TBC1D12: variants seen among roughly 807,000 people sequenced by gnomAD.
TBC1D12 encodes TBC1 domain family member 12, also known as TBC1 domain family, member 12.
TBC1D12 carries 56 observed loss-of-function variants against 86.7 expected under a neutral mutation model. The ratio of observed to expected loss-of-function variants is 0.65; its 90% CI spans 0.52 to 0.81. The LOEUF is 0.81. Among genes scored for constraint, TBC1D12 ranks in the 30% least tolerant of loss-of-function variants. TBC1D12 has a pLI of 0.00. For synonymous variants in TBC1D12, 421 were observed against 411.7 expected (o/e 1.02, Z -0.27); for missense variants, 1,023 against 1,038.8 (o/e 0.98, Z 0.21).
At chr10:94,446,862 A>C (rs2055469977) in intron 2 of TBC1D12, among the ~76,000 whole-genome samples, 1 of 152,114 alleles carries the variant, frequency 6.6e-6, no homozygotes, top group Non-Finnish European at 1.5e-5. Flanking sequence ...CAGGTGGATC[A>C]CTTGAGGTCA....
intron 1 of TBC1D12, among the ~76,000 whole-genome samples, chr10:94,414,152 G>T (rs1467030355): frequency 6.6e-6 from 1 of 152,000 alleles, no homozygotes; most frequent in African/African-American, 2.4e-5. Flanking sequence ...ATAATACATT[G>T]TTTCCACGTT....
chr10:94,407,145 C>G lies in TBC1D12; in HGVS notation c.971+3561C>G, dbSNP rs117861185. ...TACTACATAGTATTATGTTAAGACA[C>G]ATCATTTTGGTAGATATATAGGAAA... is the stretch of plus-strand genomic sequence containing the variant. On this transcript the variant is annotated intron_variant, in intron 1 of 12. Transcript: ENST00000225235. 1.7e-4 allele frequency among the ~76,000 whole-genome samples: 26 copies of G among 152,262 alleles called. No homozygotes were observed. The East Asian group carries it at 4.8e-3, about 28-fold the overall frequency.
At chr10:94,451,290 A>G (rs1314492987) in intron 2 of TBC1D12, among the ~76,000 whole-genome samples, 3 of 152,130 alleles carry the variant, frequency 2.0e-5, no homozygotes, top group African/African-American at 7.2e-5. Flanking sequence ...TATGTATCCC[A>G]TAAGTATGTA....
chr10:94,531,546 A>G (rs886105920), intron 12 of TBC1D12, 86 bp downstream of exon 12: 6 of 1,345,144 alleles, frequency 4.5e-6, no homozygotes, highest in Non-Finnish European at 5.8e-6. Flanking sequence ...AAAAGTTAGT[A>G]CTTAAAAATA....
intron 1 of TBC1D12, among the ~76,000 whole-genome samples, chr10:94,416,130 C>G (rs2054994843): frequency 1.3e-5 from 2 of 152,054 alleles, no homozygotes; most frequent in South Asian, 2.1e-4. Flanking sequence ...ATACAATTAC[C>G]TTGGTCAGGA....
chr10:94,402,829 T>G lies in TBC1D12; in HGVS notation c.216T>G (p.Arg72=), dbSNP rs1564930333. The G allele has an allele frequency of 1.3e-6, 2 of 1,540,178 alleles. No individual in the cohort carries two copies. Among genetic ancestry groups the G allele is most frequent in the Non-Finnish European group, 1.7e-6 (2 of 1,143,116 alleles). ...EETPPRQLLQ[R]YLAAAGEQLE... ...CGCCGCCTCGGCAGCTCCTTCAGCG[T>G]TACCTCGCGGCGGCCGGGGAGCAGC... Residue 72 remains arginine (R), a synonymous_variant, in exon 1 of 13, where the codon CGT becomes CGG. Coordinates refer to ENST00000225235, the MANE Select transcript of TBC1D12 (RefSeq NM_015188.2).
intron 9 of TBC1D12, among the ~76,000 whole-genome samples, chr10:94,514,439 T>G (rs2056564890): frequency 6.6e-6 from 1 of 152,208 alleles, no homozygotes; most frequent in Non-Finnish European, 1.5e-5. Context: ...CCCCCAAGCC[T>G]CTGGTAACCA....
At chr10:94,449,603 T>C (rs1177256796) in intron 2 of TBC1D12, among the ~76,000 whole-genome samples, 2 of 152,208 alleles carry the variant, frequency 1.3e-5, no homozygotes, top group Non-Finnish European at 2.9e-5. Flanking sequence ...TCTGAAACAT[T>C]ATTCTGGCTC....
At position 94,402,998 on chromosome 10, in the gene TBC1D12, C is replaced by T. The variant is rs768717376; in HGVS notation, c.385C>T (p.Arg129Trp). 7.0e-6 allele frequency: 11 copies of T among 1,575,614 alleles called. No homozygotes were observed. The highest frequency in any genetic ancestry group is 1.7e-4 in the Middle Eastern group (1 of 5,944). The part of the protein sequence containing the change: ...GAEVADGRAP[R>W]HEGMTNGDSG... ...GGAGGTGGCTGATGGCCGCGCGCCG[C>T]GGCACGAAGGCATGACCAACGGCGA... The change falls in exon 1 of 13, where the codon CGG becomes TGG. Residue 129 changes from arginine (R) to tryptophan (W), a missense_variant. By Grantham distance (101) the Arg-to-Trp change is moderately radical. This residue lies in a region of TBC1D12 where 628 missense variants were observed against 531.1 expected (regional missense o/e 1.18). Transcript: ENST00000225235.
At chr10:94,471,497 C>T (rs2055905588) in intron 2 of TBC1D12, among the ~76,000 whole-genome samples, 1 of 152,106 alleles carries the variant, frequency 6.6e-6, no homozygotes, top group South Asian at 2.1e-4. Flanking sequence ...GTAATTTAAC[C>T]CACACCTTTC....
intron 11 of TBC1D12, among the ~76,000 whole-genome samples, chr10:94,530,786 G>A (rs566133910): frequency 2.0e-5 from 3 of 151,184 alleles, no homozygotes; most frequent in South Asian, 4.2e-4. Flanking sequence ...TCTACATAAG[G>A]TTGTAAATTC....
chr10:94,443,872 G>A (rs561513140), intron 2 of TBC1D12, among the ~76,000 whole-genome samples: 5 of 152,080 alleles, frequency 3.3e-5, no homozygotes, highest in East Asian at 1.9e-4. Flanking sequence ...AATTAATTGC[G>A]GTTATTTAAG....
chr10:94,507,806 C>T (rs1462843811), intron 7 of TBC1D12, among the ~76,000 whole-genome samples: 4 of 151,868 alleles, frequency 2.6e-5, no homozygotes, highest in South Asian at 2.1e-4. Context: ...GACAACATGG[C>T]GAAACCCCAT....
chr10:94,436,067 A>G (rs2055291143), intron 1 of TBC1D12, among the ~76,000 whole-genome samples: 1 of 152,038 alleles, frequency 6.6e-6, no homozygotes, highest in African/African-American at 2.4e-5. Context: ...ATGTTATGGT[A>G]AATTTGGATA....
At chr10:94,505,498 G>A (rs1268622425) in intron 6 of TBC1D12, among the ~76,000 whole-genome samples, 6 of 152,132 alleles carry the variant, frequency 3.9e-5, no homozygotes, top group Non-Finnish European at 5.9e-5. Flanking sequence ...GCTTGAACCC[G>A]GGAGGGGGAG....
chr10:94,444,641 A>G (rs921347603), intron 2 of TBC1D12, among the ~76,000 whole-genome samples: 2 of 152,188 alleles, frequency 1.3e-5, no homozygotes, highest in Non-Finnish European at 2.9e-5. Context: ...TAAGTCTCTG[A>G]ATAAATTACT....
intron 11 of TBC1D12, among the ~76,000 whole-genome samples, chr10:94,525,126 C>T (rs1321107949): frequency 6.6e-6 from 1 of 152,060 alleles, no homozygotes; most frequent in Non-Finnish European, 1.5e-5. Flanking sequence ...TACAACATGA[C>T]CAACACTGAT....
chr10:94,423,031 T>G (rs899387220), intron 1 of TBC1D12, among the ~76,000 whole-genome samples: 1 of 152,146 alleles, frequency 6.6e-6, no homozygotes, highest in South Asian at 2.1e-4. Context: ...GCTCAGCAGT[T>G]TGATGCTGCA....
chr10:94,445,728 A>C (rs1300075600), intron 2 of TBC1D12, among the ~76,000 whole-genome samples: 1 of 152,042 alleles, frequency 6.6e-6, no homozygotes, highest in African/African-American at 2.4e-5. Flanking sequence ...CTGGTGTGTC[A>C]CCTGAGGTCA....
Sources: allele counts gnomAD v4.1 joint callset (sites outside exome capture counted in the v4.1 genomes callset), GRCh38; gene constraint gnomAD v4.1.1; regional missense constraint gnomAD v4.1.1; transcripts MANE v1.5; gene names NCBI Gene and HGNC (gene_info 2026-07-23, HGNC 2026-07-21).